AFG2A: variants seen among roughly 807,000 people sequenced by gnomAD.
AFG2A encodes the protein AAA ATPase AFG2A, also known as ATPase family gene 2 protein homolog A.
the AFG2A span, among the ~76,000 whole-genome samples, chr4:123,159,656 C>T: frequency 1.3e-5 from 2 of 152,114 alleles, no homozygotes; most frequent in African/African-American, 4.8e-5. Flanking sequence ...TTACAGGCTC[C>T]TCTGGGAAGC....
At chr4:123,307,896 AG>A in the AFG2A span, among the ~76,000 whole-genome samples, 2 of 152,216 alleles carry the variant, frequency 1.3e-5, no homozygotes, top group Non-Finnish European at 2.9e-5. Flanking sequence ...TAGACCCTAT[AG>A]CCTAGTGTGG....
At chr4:123,041,836 T>C in the AFG2A span, among the ~76,000 whole-genome samples, 1 of 152,088 alleles carries the variant, frequency 6.6e-6, no homozygotes, top group Non-Finnish European at 1.5e-5. Context: ...CCTGAAACAG[T>C]TTTTCAAAAA....
the AFG2A span, among the ~76,000 whole-genome samples, chr4:123,020,713 A>G: frequency 0.014 from 2,076 of 152,152 alleles, 48 homozygotes; most frequent in African/African-American, 0.047. Context: ...TTTAATTTCT[A>G]TATGATTGTC....
At chr4:123,267,878 C>T in the AFG2A span, among the ~76,000 whole-genome samples, 2 of 151,892 alleles carry the variant, frequency 1.3e-5, no homozygotes, top group African/African-American at 4.8e-5. Flanking sequence ...TAAGTTTACA[C>T]AGGTATTTGA....
chr4:123,124,492 G>A, the AFG2A span, among the ~76,000 whole-genome samples: 1 of 152,140 alleles, frequency 6.6e-6, no homozygotes, highest in Non-Finnish European at 1.5e-5. Context: ...CTGTTGTGGG[G>A]TGTGGGGAGA....
the AFG2A span, among the ~76,000 whole-genome samples, chr4:123,037,516 T>C: frequency 6.6e-6 from 1 of 152,088 alleles, no homozygotes; most frequent in Non-Finnish European, 1.5e-5. Flanking sequence ...CTAACATACA[T>C]TCTTAAAAGT....
chr4:123,201,915 C>G, the AFG2A span, among the ~76,000 whole-genome samples: 1 of 151,576 alleles, frequency 6.6e-6, no homozygotes, highest in Non-Finnish European at 1.5e-5. Flanking sequence ...AGAGTGAGAC[C>G]CTGTCTCAAA....
chr4:123,220,627 A>C, the AFG2A span, among the ~76,000 whole-genome samples: 1 of 151,296 alleles, frequency 6.6e-6, no homozygotes. Context: ...AAAAAAAAAA[A>C]AAAAAAAAAA....
At chr4:123,226,175 C>T in the AFG2A span, among the ~76,000 whole-genome samples, 12 of 152,190 alleles carry the variant, frequency 7.9e-5, no homozygotes, top group African/African-American at 2.4e-4. Context: ...AATTTGACTT[C>T]CTCTTTTCCT....
At chr4:122,969,982 A>G in the AFG2A span, among the ~76,000 whole-genome samples, 3 of 152,176 alleles carry the variant, frequency 2.0e-5, no homozygotes, top group East Asian at 3.8e-4. Flanking sequence ...AAAAATTCCT[A>G]TCATCCAGTG....
the AFG2A span, among the ~76,000 whole-genome samples, chr4:123,163,607 C>G: frequency 2.0e-4 from 30 of 152,264 alleles, no homozygotes; most frequent in South Asian, 2.7e-3. Context: ...GGCTGTACCC[C>G]ACTTATGACC....
the AFG2A span, among the ~76,000 whole-genome samples, chr4:123,153,944 C>G: frequency 1.3e-5 from 2 of 152,158 alleles, no homozygotes; most frequent in Non-Finnish European, 2.9e-5. Context: ...AACTGTTAAT[C>G]TAGAATTCCC....
At chr4:123,263,783 A>C in the AFG2A span, among the ~76,000 whole-genome samples, 1 of 152,222 alleles carries the variant, frequency 6.6e-6, no homozygotes, top group Non-Finnish European at 1.5e-5. Flanking sequence ...TAGTACAATC[A>C]CTATGGAAAA....
At chr4:123,064,834 A>G in the AFG2A span, among the ~76,000 whole-genome samples, 2 of 152,214 alleles carry the variant, frequency 1.3e-5, no homozygotes, top group Non-Finnish European at 2.9e-5. Flanking sequence ...ACTTAGGGTC[A>G]TTAGCTAGAG....
At chr4:123,192,835 A>G in the AFG2A span, among the ~76,000 whole-genome samples, 1 of 152,192 alleles carries the variant, frequency 6.6e-6, no homozygotes. Flanking sequence ...CTTTTATTCT[A>G]CCTTTGATTT....
the AFG2A span, among the ~76,000 whole-genome samples, chr4:123,257,106 C>G: frequency 6.6e-5 from 10 of 152,228 alleles, no homozygotes; most frequent in South Asian, 1.9e-3. Context: ...GAAGAGATTA[C>G]CATATGACAG....
chr4:122,993,626 A>C, the AFG2A span, among the ~76,000 whole-genome samples: 941 of 152,204 alleles, frequency 6.2e-3, 10 homozygotes, highest in African/African-American at 0.021. Flanking sequence ...GTTTTCAGAA[A>C]GGTTATTCTA....
chr4:123,133,489 C>CGT, the AFG2A span, among the ~76,000 whole-genome samples: 101,231 of 148,156 alleles, frequency 0.68, 39,899 homozygotes, highest in East Asian at 0.95. Context: ...TAGGCGTGTG[C>CGT]GTGTGTGTGT....
the AFG2A span, chr4:122,934,447 G>A: frequency 6.2e-7 from 1 of 1,614,242 alleles, no homozygotes. Context: ...GCTAGAGGAA[G>A]TCACAGGTCT....
Sources: allele counts gnomAD v4.1 joint callset (sites outside exome capture counted in the v4.1 genomes callset), GRCh38; gene constraint gnomAD v4.1.1; transcripts MANE v1.5; gene names NCBI Gene and HGNC (gene_info 2026-07-23, HGNC 2026-07-21).